TBC1D15: variants seen among roughly 807,000 people sequenced by gnomAD.
TBC1D15 encodes TBC1 domain family member 15.
Under a neutral mutation model 95.4 loss-of-function variants are expected in TBC1D15, and 39 were observed. That is an observed-to-expected ratio of 0.41 (90% CI 0.32 to 0.53). TBC1D15 has a LOEUF of 0.53. Among genes scored for constraint, TBC1D15 ranks in the 20% least tolerant of loss-of-function variants. TBC1D15 has a pLI of 0.29. For synonymous variants in TBC1D15, 258 were observed against 261.3 expected (o/e 0.99, Z 0.12); for missense variants, 733 against 794.3 (o/e 0.92, Z 0.93).
intron 14 of TBC1D15, among the ~76,000 whole-genome samples, chr12:71,918,805 A>G (rs577783108): frequency 6.6e-6 from 1 of 152,310 alleles, no homozygotes; most frequent in African/African-American, 2.4e-5. Flanking sequence ...GCTCTAGACC[A>G]TTTGCTGCCT....
At chr12:71,877,567 C>T (rs1452921378) in intron 3 of TBC1D15, among the ~76,000 whole-genome samples, 1 of 106,684 alleles carries the variant, frequency 9.4e-6, no homozygotes, top group Non-Finnish European at 1.9e-5. Flanking sequence ...TTCCTTTCTT[C>T]TTTTTCTTTC....
At position 71,918,445 on chromosome 12, in the gene TBC1D15, G is replaced by A. The variant is rs1904217392; in HGVS notation, c.1502-6G>A. The A allele has an allele frequency of 1.3e-6, 2 of 1,569,270 alleles. No individual in the cohort carries two copies. The highest frequency in any genetic ancestry group is 1.2e-5 in the South Asian group (1 of 85,458). On this transcript the variant is annotated splice_polypyrimidine_tract_variant and splice_region_variant and intron_variant, in intron 13 of 16. Coordinates refer to ENST00000485960, the MANE Select transcript of TBC1D15 (RefSeq NM_001146213.3). ...AGTCATATGTGTGTTTTTTTCTTCTGCATAGAATCTCAGGACTCTGGATAC... is the reference window on the plus strand; with the variant it reads ...AGTCATATGTGTGTTTTTTTCTTCTACATAGAATCTCAGGACTCTGGATAC...
chr12:71,892,836 A>G (rs973288922), intron 5 of TBC1D15, among the ~76,000 whole-genome samples: 1 of 151,624 alleles, frequency 6.6e-6, no homozygotes, highest in African/African-American at 2.4e-5. Context: ...GATGACTCCT[A>G]ATGTCTGTTT....
At chr12:71,844,465 C>T (rs78589393) in intron 1 of TBC1D15, among the ~76,000 whole-genome samples, 2,657 of 152,290 alleles carry the variant, frequency 0.017, 80 homozygotes, top group African/African-American at 0.061. Flanking sequence ...CTTCCCTATA[C>T]CCTCTACTAA....
chr12:71,885,733 A>C (rs1403158181), intron 5 of TBC1D15, among the ~76,000 whole-genome samples: 2 of 152,202 alleles, frequency 1.3e-5, no homozygotes, highest in Admixed American at 6.5e-5. Flanking sequence ...GGGGCACTTA[A>C]TTCAGACTGG....
At chr12:71,841,621 T>C (rs989990584) in intron 1 of TBC1D15, among the ~76,000 whole-genome samples, 4 of 152,232 alleles carry the variant, frequency 2.6e-5, no homozygotes, top group African/African-American at 9.6e-5. Context: ...CTACCAGTTT[T>C]ACCTTAAGAG....
intron 10 of TBC1D15, among the ~76,000 whole-genome samples, chr12:71,899,266 C>T (rs1898836812): frequency 1.3e-5 from 2 of 152,072 alleles, no homozygotes; most frequent in Admixed American, 1.3e-4. Flanking sequence ...TTTAAAGTCC[C>T]CATAATGTAA....
At chr12:71,869,038 G>A (rs1279194200) in intron 1 of TBC1D15, 4 of 152,120 alleles carry the variant, frequency 2.6e-5, no homozygotes, top group African/African-American at 9.7e-5. Flanking sequence ...GATACATACA[G>A]ATAGTAAAAT....
At chr12:71,854,795 T>C (rs775038494) in intron 1 of TBC1D15, 1 of 456,748 alleles carries the variant, frequency 2.2e-6, no homozygotes, top group Non-Finnish European at 4.4e-6. Flanking sequence ...ATTCGCTTGG[T>C]GACAGGTGGT....
At chr12:71,896,443 AGTCTACTGTATT>A in intron 8 of TBC1D15, 1 of 253,852 alleles carries the variant, frequency 3.9e-6, no homozygotes, top group South Asian at 9.6e-5. Flanking sequence ...TGTCTGCTGT[AGTCTACTGTATT>A]CTGTAGTCTA....
chr12:71,901,133 G>A (rs1222950836), intron 10 of TBC1D15, among the ~76,000 whole-genome samples: 1 of 152,122 alleles, frequency 6.6e-6, no homozygotes, highest in African/African-American at 2.4e-5. Context: ...GGATACTCCA[G>A]CCTCAGCCTC....
intron 11 of TBC1D15, 135 bp downstream of exon 11, chr12:71,907,273 A>C: frequency 1.9e-6 from 1 of 528,474 alleles, no homozygotes; most frequent in Non-Finnish European, 3.2e-6. Context: ...GGGGACTGGA[A>C]ACTTACAAGG....
chr12:71,903,457 A>G lies in TBC1D15; in HGVS notation c.1184-3565A>G, dbSNP rs140342525. Among the ~76,000 whole-genome samples, 547 of 152,324 alleles carry G rather than the reference A, an allele frequency of 3.6e-3. 5 individuals are homozygous for G. The highest frequency in any genetic ancestry group is 0.013 in the African/African-American group (531 of 41,580). On this transcript the variant is annotated intron_variant, in intron 10 of 16. Transcript: ENST00000485960. ...ATTCAGCCACTGTGAAAAGCAGTCT[A>G]GAAATTTCCCAAAGAACTTAAAACA...
rs751629838 is a variant in TBC1D15 at position 71,872,054 on chromosome 12, A to G, written c.31-16A>G. The G allele has an allele frequency of 8.8e-6, 11 of 1,243,748 alleles. No homozygotes were observed. In the African/African-American group the frequency reaches 1.6e-4, roughly 18 times the overall value. 77.0% of individuals were successfully genotyped at this position (1,243,748 alleles called of 1,614,324 possible). On this transcript the variant is annotated splice_polypyrimidine_tract_variant and intron_variant, in intron 1 of 16. Coordinates refer to ENST00000485960, the MANE Select transcript of TBC1D15 (RefSeq NM_001146213.3). ...CAATAGAAATTATGTGACTAACTTT[A>G]TTTTTGCTGTTTTAGATTATATATG...
chr12:71,884,945 C>T lies in TBC1D15; in HGVS notation c.478C>T (p.Leu160Phe). 6.2e-7 allele frequency: 1 copy of T among 1,614,040 alleles called. No individual in the cohort carries two copies. The highest frequency in any genetic ancestry group is 1.3e-5 in the African/African-American group (1 of 75,034). The change falls in exon 5 of 17, where the codon CTC (leucine) becomes TTC (phenylalanine). Residue 160 changes from leucine (L) to phenylalanine (F), a missense_variant. By Grantham distance (22) the Leu-to-Phe change is conservative. Transcript: ENST00000485960. ...LVFCLKDDVV[L>F]PALHFHQGDS... The stretch of plus-strand genomic sequence containing the variant: ...ATTCTGTCTAAAGGATGACGTCGTT[C>T]TCCCTGCTCTACACTTTCATCAAGG...
intron 10 of TBC1D15, among the ~76,000 whole-genome samples, chr12:71,904,945 A>C (rs924001851): frequency 6.6e-6 from 1 of 152,250 alleles, no homozygotes; most frequent in African/African-American, 2.4e-5. Flanking sequence ...AAATGGGGTC[A>C]GTCAACGTGG....
chr12:71,841,022 T>TAAA (rs1010242839), intron 1 of TBC1D15: 3 of 152,246 alleles, frequency 2.0e-5, no homozygotes, highest in Non-Finnish European at 4.4e-5. Flanking sequence ...CTGGCTCTTT[T>TAAA]AAAGGATAGG....
Position 71,923,646 on chromosome 12 carries a change from A to AT in TBC1D15, c.*449dup, listed in dbSNP as rs147501568. On this transcript the variant is annotated 3_prime_UTR_variant, in exon 17 of 17. Coordinates refer to ENST00000485960, the MANE Select transcript of TBC1D15 (RefSeq NM_001146213.3). The stretch of plus-strand genomic sequence containing the variant: ...TGAAATAAAAAATAAAAATAAAAGG[A>AT]TTTTTTTCTCTATTGTTTACGACAG... 6.3e-6 allele frequency: 1 copy of AT among 157,952 alleles called. No individual in the cohort carries two copies. Among genetic ancestry groups the AT allele is most frequent in the South Asian group, 1.9e-4 (1 of 5,324 alleles). The allele number at this position is 157,952 out of a possible 1,614,324, so 9.8% of individuals were successfully genotyped here. A position where few individuals can be genotyped will look rare whatever the true frequency, so the allele number is the denominator to read the frequency against.
intron 1 of TBC1D15, chr12:71,861,415 T>C: frequency 6.1e-6 from 9 of 1,480,898 alleles, no homozygotes; most frequent in Non-Finnish European, 8.0e-6. Context: ...GTTTTTGGTT[T>C]CTTCTTGATT....
Sources: allele counts gnomAD v4.1 joint callset (sites outside exome capture counted in the v4.1 genomes callset), GRCh38; gene constraint gnomAD v4.1.1; transcripts MANE v1.5; gene names NCBI Gene and HGNC (gene_info 2026-07-23, HGNC 2026-07-21).